Variants in LINGO1 observed in about 807,000 individuals in gnomAD.
The protein encoded by LINGO1 is leucine rich repeat and Ig domain containing 1, also known as leucine-rich repeat and immunoglobulin-like domain-containing nogo receptor-interacting protein 1.
Under a neutral mutation model 37.3 loss-of-function variants are expected in LINGO1, and 11 were observed. The ratio of observed to expected loss-of-function variants is 0.29; its 90% confidence interval spans 0.19 to 0.49. LINGO1 has a LOEUF of 0.49. Among genes scored for constraint, LINGO1 ranks in the 20% least tolerant of loss-of-function variants. The probability of loss-of-function intolerance (pLI) is 0.99; values close to 1 mark genes in which losing one functional copy is unlikely to be tolerated. For missense variants in LINGO1, 585 were observed against 878.2 expected, an observed-to-expected ratio of 0.67 and a Z score of 4.22; for synonymous variants, 387 against 403.0, an observed-to-expected ratio of 0.96 and a Z score of 0.48.
intron 1 of LINGO1, chr15:77,819,580 ACACGCGCAC>A: frequency 2.5e-5 from 1 of 40,604 alleles, no homozygotes; most frequent in Admixed American, 2.3e-4. Flanking sequence ...ACTCGCGCAC[ACACGCGCAC>A]ACCCAGGCGC....
At chr15:77,740,681 T>C (rs2076253962) in intron 1 of LINGO1, among the ~76,000 whole-genome samples, 1 of 152,102 alleles carries the variant, frequency 6.6e-6, no homozygotes, top group Non-Finnish European at 1.5e-5. Flanking sequence ...GAGAGCTTCC[T>C]GGAGGGGCAG....
At chr15:77,818,356 T>C (rs1027650836) in intron 1 of LINGO1, among the ~76,000 whole-genome samples, 5 of 152,126 alleles carry the variant, frequency 3.3e-5, no homozygotes, top group African/African-American at 1.2e-4. Flanking sequence ...CTTAGGGGTG[T>C]GGGGAGGTTC....
chr15:77,691,319 C>T (rs1596114222), intron 1 of LINGO1, among the ~76,000 whole-genome samples: 4 of 152,132 alleles, frequency 2.6e-5, no homozygotes, highest in South Asian at 4.2e-4. Flanking sequence ...GGGATTTGCC[C>T]GAGGTCACAC....
At position 77,776,530 on chromosome 15, in the gene LINGO1, G is replaced by GGAAGGCAGGAAGGCAGGAAGGCAGGA. The variant is rs2076653137; in HGVS notation, c.-257+10338_-257+10339insTCCTGCCTTCCTGCCTTCCTGCCTTC. On this transcript the variant is annotated intron_variant, in intron 1 of 3. Transcript: ENST00000561686. The stretch of plus-strand genomic sequence containing the variant: ...GCAGGAAGGCAGGAAGGGAGGAAGG[G>GGAAGGCAGGAAGGCAGGAAGGCAGGA]AGGGAGGGAGGGAGGGAGGGAGGGA... Among the ~76,000 whole-genome samples the GGAAGGCAGGAAGGCAGGAAGGCAGGA allele has an allele frequency of 2.0e-3, 68 of 34,528 alleles. 1 individual carries two copies. Among genetic ancestry groups the GGAAGGCAGGAAGGCAGGAAGGCAGGA allele is most frequent in the Admixed American group, 5.4e-3 (18 of 3,322 alleles). The allele number at this position is 34,528 out of a possible 152,430, so 22.7% of individuals were successfully genotyped here.
upstream of LINGO1, among the ~76,000 whole-genome samples, chr15:77,789,462 C>T (rs2076801486): frequency 6.6e-6 from 1 of 152,068 alleles, no homozygotes; most frequent in African/African-American, 2.4e-5. Flanking sequence ...CAAAAATTAG[C>T]CGGGTGTGGT....
chr15:77,729,345 TGA>T (rs906459142), intron 2 of LINGO1, among the ~76,000 whole-genome samples: 4 of 152,188 alleles, frequency 2.6e-5, no homozygotes, highest in African/African-American at 9.7e-5. Flanking sequence ...GAGGAGACAC[TGA>T]GGGTCCTTGA....
upstream of LINGO1, among the ~76,000 whole-genome samples, chr15:77,790,440 C>T (rs1332668884): frequency 6.6e-6 from 1 of 152,226 alleles, no homozygotes; most frequent in African/African-American, 2.4e-5. Context: ...ACACCTGTAG[C>T]GATGGCTGGA....
intron 1 of LINGO1, among the ~76,000 whole-genome samples, chr15:77,779,758 A>G (rs4886912): frequency 0.96 from 145,426 of 152,276 alleles, 69,488 homozygotes; most frequent in Admixed American, 0.97. Context: ...TAACAGGGCC[A>G]GTCCCCCGGG....
intron 2 of LINGO1, among the ~76,000 whole-genome samples, chr15:77,730,655 G>A (rs888573918): frequency 3.3e-5 from 5 of 152,264 alleles, no homozygotes; most frequent in Admixed American, 2.0e-4. Context: ...GGAGACACAG[G>A]CAGAGGGCAT....
intron 1 of LINGO1, among the ~76,000 whole-genome samples, chr15:77,737,543 T>C (rs1397128022): frequency 6.6e-6 from 1 of 152,094 alleles, no homozygotes; most frequent in Non-Finnish European, 1.5e-5. Flanking sequence ...TTCCCTTTAA[T>C]AGCAAAACTC....
chr15:77,661,549 G>A lies in LINGO1; in HGVS notation c.-13+15540C>T, dbSNP rs2074993395. ...TGCCAGTTCATTTGAAGCCCCCAAT[G>A]AGACTCAGCGCCAGACACTATCTGT... On this transcript the variant is annotated intron_variant, in intron 3 of 3. Transcript: ENST00000559893. Among the ~76,000 whole-genome samples the A allele has an allele frequency of 2.0e-5, 3 of 152,214 alleles. No homozygotes were observed. The South Asian group carries it at 6.2e-4, about 31-fold the overall frequency.
intron 2 of LINGO1, among the ~76,000 whole-genome samples, chr15:77,688,439 G>T (rs756536192): frequency 6.6e-6 from 1 of 152,164 alleles, no homozygotes; most frequent in Non-Finnish European, 1.5e-5. Context: ...ATTAGCTTCT[G>T]ATAAGATGGG....
chr15:77,809,132 T>G (rs1030680802), intron 1 of LINGO1, among the ~76,000 whole-genome samples: 1 of 152,170 alleles, frequency 6.6e-6, no homozygotes, highest in Non-Finnish European at 1.5e-5. Flanking sequence ...CCAGAGCCCT[T>G]AGAATCTGCC....
chr15:77,649,898 C>T (rs566251328), intron 3 of LINGO1, among the ~76,000 whole-genome samples: 2 of 152,094 alleles, frequency 1.3e-5, no homozygotes, highest in Non-Finnish European at 2.9e-5. Flanking sequence ...ACTCTGTCAC[C>T]CCAGGGGGTT....
chr15:77,776,530 G>GGAAAGC (rs2076653137), intron 1 of LINGO1, among the ~76,000 whole-genome samples: 5 of 34,526 alleles, frequency 1.4e-4, no homozygotes, highest in African/African-American at 3.3e-4. Flanking sequence ...GGGAGGAAGG[G>GGAAAGC]AGGGAGGGAG....
chr15:77,748,079 G>A (rs746832256), intron 1 of LINGO1, among the ~76,000 whole-genome samples: 28 of 152,226 alleles, frequency 1.8e-4, no homozygotes, highest in Non-Finnish European at 4.0e-4. Flanking sequence ...CTCTAAACAG[G>A]GACTGTGGTT....
intron 2 of LINGO1, among the ~76,000 whole-genome samples, chr15:77,729,510 G>C (rs1037988803): frequency 2.0e-5 from 3 of 152,222 alleles, no homozygotes; most frequent in African/African-American, 7.2e-5. Context: ...AGCAGGGCAA[G>C]CATCAGGGGC....
rs551289492 is a variant in LINGO1, at chr15:77,679,033, T to C, written c.-98-1859A>G. ...TTATCCTGCCTGATTCCTGAGTAGCTGGGATTACAGATGCGCACCACCACA... is the reference window on the plus strand; with the variant it reads ...TTATCCTGCCTGATTCCTGAGTAGCCGGGATTACAGATGCGCACCACCACA... On this transcript the variant is annotated intron_variant, in intron 2 of 3. Transcript: ENST00000559893. Among the ~76,000 whole-genome samples the C allele has an allele frequency of 7.2e-5, 11 of 152,260 alleles. No individual in the cohort carries two copies. In the East Asian group the frequency reaches 2.1e-3, roughly 29 times the overall value.
At chr15:77,749,000 T>C (rs2076344400) in intron 1 of LINGO1, among the ~76,000 whole-genome samples, 1 of 147,806 alleles carries the variant, frequency 6.8e-6, no homozygotes. Flanking sequence ...CTCTGCCTCC[T>C]GGGTTCAAGC....
Sources: allele counts gnomAD v4.1 joint callset (sites outside exome capture counted in the v4.1 genomes callset), GRCh38; gene constraint gnomAD v4.1.1; transcripts MANE v1.5; gene names NCBI Gene and HGNC (gene_info 2026-07-23, HGNC 2026-07-21).